Variants in PTPRD observed in about 807,000 individuals in gnomAD.
PTPRD encodes the protein protein tyrosine phosphatase receptor type D.
In PTPRD, 34 loss-of-function variants were observed where a neutral mutation model predicts 214.5. That is an observed-to-expected ratio of 0.16 (90% CI 0.12 to 0.21). The LOEUF (loss-of-function observed/expected upper bound fraction) is 0.21. Ranked by LOEUF, PTPRD falls within the 10% of genes least tolerant of loss-of-function variation. The pLI is 1.00. For missense variants in PTPRD, 2,545 were observed against 2,398.7 expected (o/e 1.06, Z -1.27); for synonymous variants, 1,128 against 845.7 (o/e 1.33, Z -5.79).
intron 11 of PTPRD, among the ~76,000 whole-genome samples, chr9:8,899,116 G>A (rs751522752): frequency 6.6e-6 from 1 of 152,032 alleles, no homozygotes; most frequent in Non-Finnish European, 1.5e-5. Flanking sequence ...AGAGCTAACG[G>A]AGAACCAGGC....
intron 11 of PTPRD, among the ~76,000 whole-genome samples, chr9:8,928,620 A>G (rs2098921714): frequency 6.6e-6 from 1 of 151,836 alleles, no homozygotes; most frequent in African/African-American, 2.4e-5. Context: ...GAAGTCAGGT[A>G]GCATGATGCC....
intron 2 of PTPRD, among the ~76,000 whole-genome samples, chr9:10,394,073 T>TAG (rs1275113492): frequency 0.012 from 1,689 of 143,542 alleles, 33 homozygotes; most frequent in African/African-American, 0.037. Context: ...TATATATATA[T>TAG]ATAGAGAGAG....
intron 3 of PTPRD, among the ~76,000 whole-genome samples, chr9:10,294,327 T>C (rs1393633570): frequency 1.3e-5 from 2 of 151,844 alleles, no homozygotes; most frequent in African/African-American, 4.8e-5. Flanking sequence ...TCCATTAAGA[T>C]AAAATATCTA....
chr9:8,514,601 T>A (rs1448070871), intron 21 of PTPRD, among the ~76,000 whole-genome samples: 1 of 152,066 alleles, frequency 6.6e-6, no homozygotes, highest in Non-Finnish European at 1.5e-5. Flanking sequence ...ACCTCAGTGT[T>A]TCAGAAGTAA....
chr9:10,462,632 A>G (rs1187931903), intron 2 of PTPRD, among the ~76,000 whole-genome samples: 1 of 151,966 alleles, frequency 6.6e-6, no homozygotes, highest in Non-Finnish European at 1.5e-5. Context: ...AGATGTGCCT[A>G]TTTCCACCAG....
chr9:10,210,985 A>C (rs1166609868), intron 3 of PTPRD, among the ~76,000 whole-genome samples: 2 of 151,384 alleles, frequency 1.3e-5, no homozygotes, highest in Non-Finnish European at 2.9e-5. Context: ...GAAAAAGGGT[A>C]CACATTTTTG....
At chr9:10,301,021 G>C (rs1195543890) in intron 3 of PTPRD, among the ~76,000 whole-genome samples, 2 of 152,074 alleles carry the variant, frequency 1.3e-5, no homozygotes, top group African/African-American at 4.8e-5. Context: ...GAAAGCTCTG[G>C]CTGGCGTCTG....
intron 11 of PTPRD, among the ~76,000 whole-genome samples, chr9:8,899,814 T>G (rs1189816816): frequency 6.6e-6 from 1 of 152,190 alleles, no homozygotes; most frequent in Non-Finnish European, 1.5e-5. Flanking sequence ...GTCGGCATGT[T>G]GCCTTTGAGA....
At chr9:9,704,905 A>G (rs2154417266) in intron 7 of PTPRD, among the ~76,000 whole-genome samples, 1 of 152,342 alleles carries the variant, frequency 6.6e-6, no homozygotes, top group Non-Finnish European at 1.5e-5. Context: ...TAATCACTCA[A>G]CTGAGGCCTG....
At chr9:10,527,431 G>A (rs1170625230) in intron 2 of PTPRD, among the ~76,000 whole-genome samples, 1 of 152,136 alleles carries the variant, frequency 6.6e-6, no homozygotes, top group African/African-American at 2.4e-5. Context: ...CAATGATAAA[G>A]AGGAACTAAG....
intron 11 of PTPRD, among the ~76,000 whole-genome samples, chr9:8,948,974 C>G (rs1294384003): frequency 6.6e-6 from 1 of 151,936 alleles, no homozygotes; most frequent in East Asian, 1.9e-4. Flanking sequence ...TGGCTCACGC[C>G]TGTAGTCCCA....
chr9:10,582,739 T>G, intron 2 of PTPRD, among the ~76,000 whole-genome samples: 1 of 152,150 alleles, frequency 6.6e-6, no homozygotes, highest in East Asian at 1.9e-4. Context: ...CTTATATTGT[T>G]ACAGAATTAA....
chr9:8,520,223 G>A (rs1338880384), intron 20 of PTPRD, among the ~76,000 whole-genome samples: 1 of 152,006 alleles, frequency 6.6e-6, no homozygotes, highest in African/African-American at 2.4e-5. Context: ...TGTAATGTAC[G>A]GATAAATACA....
chr9:8,831,090 C>T (rs956760367), intron 11 of PTPRD, among the ~76,000 whole-genome samples: 1 of 152,050 alleles, frequency 6.6e-6, no homozygotes, highest in East Asian at 1.9e-4. Context: ...TCACTGAATC[C>T]AGCTCCTACA....
At chr9:9,432,201 G>T (rs920477856) in intron 8 of PTPRD, among the ~76,000 whole-genome samples, 4 of 151,940 alleles carry the variant, frequency 2.6e-5, no homozygotes, top group Admixed American at 6.6e-5. Flanking sequence ...AAAAGTAGAA[G>T]GTAAATGGGA....
chr9:9,360,490 T>A (rs2055672765), intron 9 of PTPRD, among the ~76,000 whole-genome samples: 2 of 151,170 alleles, frequency 1.3e-5, no homozygotes, highest in South Asian at 2.1e-4. Flanking sequence ...GCTAAGTTTG[T>A]GACAAGGTCT....
chr9:10,030,730 A>G (rs755624402), intron 4 of PTPRD, among the ~76,000 whole-genome samples: 1 of 143,784 alleles, frequency 7.0e-6, no homozygotes, highest in Non-Finnish European at 1.6e-5. Flanking sequence ...GGTTTTGATC[A>G]ATGGTATCCT....
At chr9:9,976,184 T>C (rs1247708972) in intron 4 of PTPRD, among the ~76,000 whole-genome samples, 1 of 152,174 alleles carries the variant, frequency 6.6e-6, no homozygotes, top group South Asian at 2.1e-4. Context: ...ATGCCTGCAG[T>C]AGTGTGTGAG....
chr9:9,136,032 T>A (rs1024003774), intron 10 of PTPRD, among the ~76,000 whole-genome samples: 15 of 152,152 alleles, frequency 9.9e-5, no homozygotes, highest in African/African-American at 3.6e-4. Context: ...CACACACACA[T>A]ACATAGTAAT....
Sources: gnomAD v4.1 joint callset for allele counts (sites outside exome capture counted in the v4.1 genomes callset) on GRCh38, gnomAD v4.1.1 for gene constraint, MANE v1.5 for transcripts, NCBI Gene and HGNC (gene_info 2026-07-23, HGNC 2026-07-21) for gene names.